Variants in PI4K2A observed in about 807,000 individuals in gnomAD.
PI4K2A encodes the protein phosphatidylinositol 4-kinase type 2 alpha.
Under a neutral mutation model 55.0 loss-of-function variants are expected in PI4K2A, and 20 were observed. The observed-to-expected ratio is 0.36, with a 90% CI of 0.26 to 0.53. The LOEUF is 0.53. Ranked by LOEUF, PI4K2A falls within the 20% of genes least tolerant of loss-of-function variation. PI4K2A has a pLI of 0.91. For missense variants in PI4K2A, 463 were observed against 637.1 expected (o/e 0.73, Z 2.94); for synonymous variants, 235 against 258.5 (o/e 0.91, Z 0.87).
rs752818418 is a variant in PI4K2A at position 97,656,893 on chromosome 10, C to A, written c.841C>A (p.Pro281Thr). Residue 281 changes from proline (P) to threonine (T), a missense_variant, in exon 4 of 9, where the codon CCT (proline) becomes ACT (threonine). Coordinates refer to ENST00000370631, the Ensembl canonical transcript of PI4K2A. This position sits in a 1 kb window ranked among gnomAD's most constrained non-coding sequence, Gnocchi z 4.5. ...TTGGCTGCGGCGTTTTGAAGCAGAA[C>A]CTCTTCCTGAGAACACTAACCGGCA... The A allele has an allele frequency of 8.7e-6, 14 of 1,614,120 alleles. No homozygotes were observed. In the South Asian group the frequency reaches 1.5e-4, roughly 18 times the overall value.
At chr10:97,654,961 C>T (rs1053437544) in intron 2 of PI4K2A, among the ~76,000 whole-genome samples, 9 of 152,032 alleles carry the variant, frequency 5.9e-5, no homozygotes, top group African/African-American at 2.2e-4. Flanking sequence ...AGTTTCCTTC[C>T]TCAGAGGCAG....
chr10:97,675,009 C>T (rs1360184060), exon 9 of PI4K2A: 2 of 153,462 alleles, frequency 1.3e-5, no homozygotes, highest in Non-Finnish European at 2.9e-5. Context: ...TCCCCACCCC[C>T]ACTTGCCAGG....
intron 1 of PI4K2A, among the ~76,000 whole-genome samples, chr10:97,642,924 C>CTTTCCTTT (rs1564772414): frequency 1.8e-5 from 2 of 113,608 alleles, no homozygotes; most frequent in East Asian, 2.8e-4. Context: ...TTCCTTCCTT[C>CTTTCCTTT]CTTTCTTTCC....
At chr10:97,663,035 G>C (rs985200089) in intron 5 of PI4K2A, 67 bp downstream of exon 5, 2 of 1,042,172 alleles carry the variant, frequency 1.9e-6, no homozygotes, top group Non-Finnish European at 3.0e-6. Flanking sequence ...CACATAAAAT[G>C]GTCAGAGATG....
chr10:97,658,496 A>G (rs1233793971), intron 4 of PI4K2A, among the ~76,000 whole-genome samples: 5 of 152,192 alleles, frequency 3.3e-5, no homozygotes, highest in African/African-American at 1.2e-4. Flanking sequence ...TACTATGAAC[A>G]TGGGTGTACA....
chr10:97,648,836 A>G (rs118046820), intron 1 of PI4K2A, among the ~76,000 whole-genome samples: 2,448 of 152,354 alleles, frequency 0.016, 39 homozygotes, highest in Admixed American at 0.03. Flanking sequence ...GACTCTAGCT[A>G]GCTGCTTTGC....
At chr10:97,666,098 T>C (rs190510663) in intron 6 of PI4K2A, among the ~76,000 whole-genome samples, 4 of 152,268 alleles carry the variant, frequency 2.6e-5, no homozygotes, top group African/African-American at 9.6e-5. Flanking sequence ...GAGAAATAAA[T>C]GTAGGGAGTC....
At chr10:97,642,847 C>T (rs778752455) in intron 1 of PI4K2A, among the ~76,000 whole-genome samples, 2,432 of 17,884 alleles carry the variant, frequency 0.14, 414 homozygotes, top group Non-Finnish European at 0.16. Context: ...TCCTTCCTTC[C>T]TTCCTTTCTT....
chr10:97,644,036 C>A (rs1030503196), intron 1 of PI4K2A, among the ~76,000 whole-genome samples: 2 of 152,126 alleles, frequency 1.3e-5, no homozygotes, highest in Non-Finnish European at 2.9e-5. Flanking sequence ...TCCTTTGCTC[C>A]CTCAGAGTCA....
rs2041639779 is a variant in PI4K2A at position 97,672,334 on chromosome 10, C to T, written c.1279-1247C>T. On this transcript the variant is annotated intron_variant, in intron 8 of 8. Coordinates refer to ENST00000370631, the Ensembl canonical transcript of PI4K2A. ...GGGATTACAGACATGAGCCACTACG[C>T]CCGGACCAAAACCACCTATAATTTC... Among the ~76,000 whole-genome samples the T allele has an allele frequency of 2.6e-5, 4 of 152,286 alleles. No individual in the cohort carries two copies. The South Asian group carries it at 8.3e-4, about 32-fold the overall frequency.
intron 6 of PI4K2A, 39 bp from the exon 7 acceptor site, chr10:97,666,399 T>C (rs2041609395): frequency 6.2e-7 from 1 of 1,600,418 alleles, no homozygotes; most frequent in African/African-American, 1.3e-5. Context: ...CAGGGACTTT[T>C]CCAACACCAG....
chr10:97,663,023 A>T (rs2041593462), intron 5 of PI4K2A, 55 bp downstream of exon 5: 2 of 1,169,252 alleles, frequency 1.7e-6, no homozygotes, highest in Non-Finnish European at 2.6e-6. Context: ...ATAATATAGA[A>T]ACACATAAAA....
At chr10:97,641,017 C>G in exon 1 of PI4K2A, 1 of 1,571,308 alleles carries the variant, frequency 6.4e-7, no homozygotes, top group Non-Finnish European at 8.6e-7. Flanking sequence ...GCGGCGGCAG[C>G]CCACGCCGCT....
exon 6 of PI4K2A, chr10:97,664,957 C>T: frequency 6.2e-7 from 1 of 1,613,038 alleles, no homozygotes; most frequent in Non-Finnish European, 8.5e-7. Flanking sequence ...GGCCTTCCCA[C>T]TGAAGCATCC....
At position 97,640,777 on chromosome 10, in the gene PI4K2A, G is replaced by A. The variant is rs776853912; in HGVS notation, c.35G>A (p.Arg12Gln). The change falls in exon 1 of 9, where the codon CGG becomes CAG. Residue 12 changes from arginine (R) to glutamine (Q), a missense_variant. This residue lies in a region of PI4K2A where 186 missense variants were observed against 204.5 expected (regional missense o/e 0.91). Transcript: ENST00000370631. ...ACGAGCCCACTAGTGTCCCCCGAGC[G>A]GGCCCAACCCCCGGACTACACCTTC... The A allele has an allele frequency of 2.7e-6, 4 of 1,505,106 alleles. No individual in the cohort carries two copies. In the East Asian group the frequency reaches 1.1e-4, roughly 41 times the overall value. 93.2% of individuals were successfully genotyped at this position (1,505,106 alleles called of 1,614,324 possible).
At chr10:97,649,479 A>AG (rs1371872432) in intron 1 of PI4K2A, among the ~76,000 whole-genome samples, 17 of 152,128 alleles carry the variant, frequency 1.1e-4, no homozygotes, top group African/African-American at 4.1e-4. Flanking sequence ...GAATTACTTA[A>AG]GAGAGCTTCA....
intron 8 of PI4K2A, among the ~76,000 whole-genome samples, 188 bp from the exon 9 acceptor site, chr10:97,673,393 T>A (rs1243066397): frequency 1.3e-5 from 2 of 152,260 alleles, no homozygotes; most frequent in African/African-American, 4.8e-5. Flanking sequence ...TTGTATTTTT[T>A]AAATGATTAG....
chr10:97,649,575 A>T (rs976725142), intron 1 of PI4K2A, among the ~76,000 whole-genome samples: 1 of 139,676 alleles, frequency 7.2e-6, no homozygotes, highest in African/African-American at 2.5e-5. Flanking sequence ...TTCATCATTG[A>T]TGAAGGAATT....
intron 8 of PI4K2A, among the ~76,000 whole-genome samples, chr10:97,672,722 G>GTTTTT (rs201709914): frequency 0.016 from 1,548 of 94,380 alleles, 108 homozygotes; most frequent in Middle Eastern, 0.029. Context: ...CAGAGGGTCT[G>GTTTTT]TTCTTTTTTT....
Sources: gnomAD v4.1 joint callset for allele counts (sites outside exome capture counted in the v4.1 genomes callset) on GRCh38, gnomAD v4.1.1 for gene constraint, gnomAD v4.1.1 regional missense constraint, Gnocchi (gnomAD v3.1) non-coding constraint, MANE v1.5 for transcripts, NCBI Gene and HGNC (gene_info 2026-07-23, HGNC 2026-07-21) for gene names.